Variants in ANO4 observed in about 807,000 individuals in gnomAD.
The protein encoded by ANO4 is anoctamin 4.
ANO4 carries 69 observed loss-of-function variants against 141.9 expected under a neutral mutation model. The observed-to-expected ratio is 0.49, with a 90% CI of 0.40 to 0.59. The LOEUF (loss-of-function observed/expected upper bound fraction) is 0.59, where lower values mean the gene tolerates loss of function less well. ANO4 is among the 20% of genes least tolerant of loss of function. The pLI, the probability that ANO4 is intolerant of heterozygous loss-of-function variation, is 0.00. For synonymous variants in ANO4, 350 were observed against 394.3 expected, an observed-to-expected ratio of 0.89 and a Z score of 1.33; for missense variants, 894 against 1,162.2, an observed-to-expected ratio of 0.77 and a Z score of 3.36.
intron 1 of ANO4, among the ~76,000 whole-genome samples, chr12:100,814,603 G>A (rs1009819952): frequency 8.5e-5 from 13 of 152,198 alleles, no homozygotes; most frequent in Admixed American, 4.6e-4. Context: ...GTTAAGGCAG[G>A]ACTCTGTCTA....
In ANO4 at chr12:101,049,379, C is replaced by T. The variant is rs117925797; in HGVS notation, c.1312+978C>T. Among the ~76,000 whole-genome samples the T allele has an allele frequency of 2.0e-3, 309 of 152,222 alleles. 2 individuals carry two copies. In the East Asian group the frequency reaches 0.024, roughly 12 times the overall value. On this transcript the variant is annotated intron_variant, in intron 14 of 27. Transcript: ENST00000392977. ...AAGATGTCTTTCTCCTTTGAATTTC[C>T]ATGGCATTTTGTTCTTAGGGCACTT...
intron 1 of ANO4, among the ~76,000 whole-genome samples, chr12:100,844,415 T>C (rs1324146682): frequency 6.6e-6 from 1 of 152,142 alleles, no homozygotes; most frequent in African/African-American, 2.4e-5. Context: ...GTTCTTAGGA[T>C]AATGTATTGG....
chr12:100,761,255 A>G (rs569232009), intron 3 of ANO4, among the ~76,000 whole-genome samples: 5 of 152,256 alleles, frequency 3.3e-5, no homozygotes, highest in East Asian at 3.9e-4. Context: ...CCCCAGGCCT[A>G]TGTCTCATCT....
chr12:100,901,726 C>T lies in ANO4; in HGVS notation c.-60C>T, dbSNP rs1198527510. On this transcript the variant is annotated 5_prime_UTR_variant, in exon 2 of 28. It adds an upstream start codon to the 5' untranslated region. Transcript: ENST00000392977. ...AAGTGTGGCAAGCCGCCCAGCGTCA[C>T]GTCGTCGCCTGCCTGTGGTCAGGCA... 5 of 1,504,616 alleles carry T rather than the reference C, an allele frequency of 3.3e-6. No homozygotes were observed. The highest frequency in any genetic ancestry group is 4.5e-5 in the East Asian group (2 of 44,374). The allele number at this position is 1,504,616 out of a possible 1,614,324, so 93.2% of individuals were successfully genotyped here.
chr12:101,119,266 T>A lies in ANO4; in HGVS notation c.2571-1254T>A, dbSNP rs140785081. ...TAAGGTCAAGAGTTTGAGACCAGCCTGGGCAACATGGTAAAACCCTGTCTC... is the reference window on the plus strand; with the variant it reads ...TAAGGTCAAGAGTTTGAGACCAGCCAGGGCAACATGGTAAAACCCTGTCTC... On this transcript the variant is annotated intron_variant, in intron 25 of 27. Coordinates refer to ENST00000392977, the MANE Select transcript of ANO4 (RefSeq NM_001286615.2). Among the ~76,000 whole-genome samples, 16 of 152,226 alleles carry A rather than the reference T, an allele frequency of 1.1e-4. No homozygotes were observed. In the East Asian group the frequency reaches 2.5e-3, roughly 24 times the overall value.
chr12:101,006,926 C>A (rs2045896222), intron 8 of ANO4, among the ~76,000 whole-genome samples: 1 of 152,072 alleles, frequency 6.6e-6, no homozygotes. Context: ...ATGTCGTTCA[C>A]CAGTGCATTT....
At chr12:100,935,991 C>T (rs1438492101) in intron 3 of ANO4, among the ~76,000 whole-genome samples, 1 of 152,014 alleles carries the variant, frequency 6.6e-6, no homozygotes, top group Non-Finnish European at 1.5e-5. Context: ...TCTTACTGAC[C>T]ACGGGTTCAG....
chr12:100,755,659 T>A (rs527636534), intron 3 of ANO4, among the ~76,000 whole-genome samples: 86 of 152,334 alleles, frequency 5.6e-4, no homozygotes, highest in African/African-American at 2.0e-3. Flanking sequence ...TTTTTTATTA[T>A]CTTCATCTAA....
At chr12:100,965,562 A>G (rs586891) in intron 5 of ANO4, among the ~76,000 whole-genome samples, 149,628 of 152,096 alleles carry the variant, frequency 0.98, 73,605 homozygotes, top group East Asian at 1. Flanking sequence ...GCCTGGCATG[A>G]TCATTCCCAG....
At chr12:100,771,898 T>C (rs183183067) in intron 3 of ANO4, among the ~76,000 whole-genome samples, 1 of 152,266 alleles carries the variant, frequency 6.6e-6, no homozygotes, top group East Asian at 1.9e-4. Flanking sequence ...GTGCACCAAG[T>C]CTGGTGTGGG....
chr12:100,974,656 A>C, intron 6 of ANO4, 189 bp from the exon 7 acceptor site: 1 of 682,628 alleles, frequency 1.5e-6, no homozygotes, highest in Non-Finnish European at 2.7e-6. Flanking sequence ...CTGTTTCATA[A>C]GATTTCATGA....
intron 9 of ANO4, among the ~76,000 whole-genome samples, chr12:101,025,629 A>G (rs1217666103): frequency 1.3e-5 from 2 of 152,250 alleles, no homozygotes; most frequent in East Asian, 1.9e-4. Flanking sequence ...CTCATAATTC[A>G]CAGAGCAGTG....
intron 5 of ANO4, among the ~76,000 whole-genome samples, chr12:100,944,027 T>C (rs2042614335): frequency 6.6e-6 from 1 of 152,232 alleles, no homozygotes; most frequent in Admixed American, 6.5e-5. Context: ...CAAAACTAGA[T>C]AGCTTTGTTC....
intron 1 of ANO4, among the ~76,000 whole-genome samples, chr12:100,721,826 G>C (rs2030879555): frequency 6.6e-6 from 1 of 151,686 alleles, no homozygotes; most frequent in South Asian, 2.1e-4. Context: ...CCACAGGTGT[G>C]GGTCACCATG....
At chr12:101,122,417 T>C (rs191532375) in intron 26 of ANO4, among the ~76,000 whole-genome samples, 2 of 152,338 alleles carry the variant, frequency 1.3e-5, no homozygotes, top group Non-Finnish European at 2.9e-5. Flanking sequence ...TTTTTGTTTT[T>C]GTTGCAATTG....
intron 7 of ANO4, among the ~76,000 whole-genome samples, chr12:100,975,261 A>G (rs2044116238): frequency 6.6e-6 from 1 of 151,452 alleles, no homozygotes; most frequent in Admixed American, 6.6e-5. Context: ...TGGTGCACCC[A>G]TCACCTGAGC....
chr12:101,043,876 G>A (rs902997423), intron 13 of ANO4, among the ~76,000 whole-genome samples: 3 of 152,134 alleles, frequency 2.0e-5, no homozygotes, highest in Non-Finnish European at 4.4e-5. Flanking sequence ...TGAGGAGCAC[G>A]GTGCTGGAGT....
At chr12:101,077,706 T>C (rs2136844204) in intron 14 of ANO4, among the ~76,000 whole-genome samples, 1 of 152,220 alleles carries the variant, frequency 6.6e-6, no homozygotes, top group South Asian at 2.1e-4. Context: ...TATGGCTGCT[T>C]TTAATACATG....
chr12:101,087,952 AT>A (rs1210658366), intron 17 of ANO4, among the ~76,000 whole-genome samples: 1 of 152,078 alleles, frequency 6.6e-6, no homozygotes, highest in Non-Finnish European at 1.5e-5. Context: ...CAGCTTTCAC[AT>A]TGCTCCCTTC....
Sources: gnomAD v4.1 joint callset for allele counts (sites outside exome capture counted in the v4.1 genomes callset) on GRCh38, gnomAD v4.1.1 for gene constraint, MANE v1.5 for transcripts, NCBI Gene and HGNC (gene_info 2026-07-23, HGNC 2026-07-21) for gene names.